The following RBMS3 variants were observed in gnomAD, a reference collection of about 807,000 sequenced individuals.
RBMS3 encodes RNA binding motif single stranded interacting protein 3.
A neutral mutation model predicts 66.8 loss-of-function variants in RBMS3; 27 were observed. The observed-to-expected ratio is 0.40, with a 90% confidence interval of 0.30 to 0.56. The LOEUF is 0.56. RBMS3 is among the 20% of genes least tolerant of loss of function. The pLI is 0.40. For synonymous variants in RBMS3, 188 were observed against 183.0 expected, an observed-to-expected ratio of 1.03 and a Z score of -0.22; for missense variants, 513 against 549.5, an observed-to-expected ratio of 0.93 and a Z score of 0.66.
chr3:29,595,598 A>C (rs2047918873), intron 4 of RBMS3, among the ~76,000 whole-genome samples: 1 of 152,134 alleles, frequency 6.6e-6, no homozygotes, highest in South Asian at 2.1e-4. Context: ...TGAAAGGAAA[A>C]GGTATTTTCT....
rs149022808 is a variant in RBMS3, at chr3:29,535,710, C to CTTTTTTTTTTTTTTTTTTTTTTTTT, written c.307+47218_307+47242dup. Among the ~76,000 whole-genome samples the CTTTTTTTTTTTTTTTTTTTTTTTTT allele has an allele frequency of 1.8e-4, 7 of 39,744 alleles. 2 individuals are homozygous for CTTTTTTTTTTTTTTTTTTTTTTTTT. The highest frequency in any genetic ancestry group is 7.1e-4 in the African/African-American group (7 of 9,860). The allele number at this position is 39,744 out of a possible 152,430, so 26.1% of individuals were successfully genotyped here. On this transcript the variant is annotated intron_variant, in intron 3 of 14. Coordinates refer to ENST00000383767, the MANE Select transcript of RBMS3 (RefSeq NM_001003793.3). ...GAGTTCAATGATTGAGATCATTGCT[C>CTTTTTTTTTTTTTTTTTTTTTTTTT]TTTTTTTTTTTTTTTTTTTTTTTTT...
At chr3:29,498,954 G>A (rs1317639432) in intron 3 of RBMS3, among the ~76,000 whole-genome samples, 1 of 152,150 alleles carries the variant, frequency 6.6e-6, no homozygotes, top group Non-Finnish European at 1.5e-5. Context: ...TTAAAGGTAT[G>A]AAAGATACCT....
intron 8 of RBMS3, among the ~76,000 whole-genome samples, chr3:29,890,230 A>T (rs1236317058): frequency 6.6e-6 from 1 of 151,650 alleles, no homozygotes; most frequent in African/African-American, 2.4e-5. Flanking sequence ...TGCATGTGAG[A>T]TGTCACACAA....
intron 3 of RBMS3, among the ~76,000 whole-genome samples, chr3:29,559,024 A>T (rs1287976107): frequency 6.6e-6 from 1 of 152,214 alleles, no homozygotes; most frequent in African/African-American, 2.4e-5. Context: ...TGCATAGATA[A>T]GTCAGTGTGT....
chr3:29,315,428 A>G (rs2034615081), intron 1 of RBMS3, among the ~76,000 whole-genome samples: 2 of 151,872 alleles, frequency 1.3e-5, no homozygotes, highest in Admixed American at 6.6e-5. Context: ...ATACACACAT[A>G]CATACATGCA....
chr3:29,658,527 T>C (rs2050405186), intron 4 of RBMS3, among the ~76,000 whole-genome samples: 1 of 152,246 alleles, frequency 6.6e-6, no homozygotes, highest in African/African-American at 2.4e-5. Flanking sequence ...TCTTTAGCTA[T>C]GAATGTAATC....
chr3:29,322,229 A>G (rs1300879959), intron 1 of RBMS3, among the ~76,000 whole-genome samples: 1 of 151,938 alleles, frequency 6.6e-6, no homozygotes, highest in African/African-American at 2.4e-5. Flanking sequence ...CTGTATCCCC[A>G]TGAAAAGCCA....
At chr3:29,724,304 T>C (rs2053765761) in intron 4 of RBMS3, among the ~76,000 whole-genome samples, 1 of 152,212 alleles carries the variant, frequency 6.6e-6, no homozygotes, top group South Asian at 2.1e-4. Flanking sequence ...TTAGTAGCTG[T>C]CCTCTTAAAG....
chr3:29,465,831 G>A (rs2042525415), intron 2 of RBMS3, among the ~76,000 whole-genome samples: 1 of 152,094 alleles, frequency 6.6e-6, no homozygotes, highest in African/African-American at 2.4e-5. Context: ...GGATCTTACA[G>A]ATGTGCTTTG....
chr3:29,593,545 A>T (rs895976160), intron 4 of RBMS3, among the ~76,000 whole-genome samples: 10 of 152,180 alleles, frequency 6.6e-5, no homozygotes, highest in African/African-American at 2.4e-4. Flanking sequence ...TTATATAGTG[A>T]TGGACAAGGG....
rs762338406 is a variant in RBMS3 at position 29,281,590 on chromosome 3, C to A, written c.-92C>A. 3.1e-6 allele frequency: 3 copies of A among 970,886 alleles called. No individual in the cohort carries two copies. Among genetic ancestry groups the A allele is most frequent in the Non-Finnish European group, 4.9e-6 (3 of 606,928 alleles). 60.1% of individuals were successfully genotyped at this position (970,886 alleles called of 1,614,324 possible). A position where few individuals can be genotyped will look rare whatever the true frequency, so the allele number is the denominator to read the frequency against. On this transcript the variant is annotated 5_prime_UTR_variant, in exon 1 of 15. It adds an upstream start codon to the 5' untranslated region. Coordinates refer to ENST00000383767, the MANE Select transcript of RBMS3 (RefSeq NM_001003793.3). ...TCTGAAGCCTCATCAGTCACCGGGA[C>A]TGTCAGGAATAGTGGTTTAAGAGGA...
intron 3 of RBMS3, among the ~76,000 whole-genome samples, chr3:29,584,189 G>T (rs1342125144): frequency 6.6e-6 from 1 of 152,078 alleles, no homozygotes; most frequent in East Asian, 1.9e-4. Context: ...CAAACTCTCA[G>T]TAGCATTTCA....
At chr3:29,655,131 G>A (rs996559279) in intron 4 of RBMS3, among the ~76,000 whole-genome samples, 3 of 152,068 alleles carry the variant, frequency 2.0e-5, no homozygotes, top group Non-Finnish European at 4.4e-5. Context: ...GCCTTCAAAC[G>A]ACCAAGGATT....
At chr3:29,885,866 C>A (rs940692638) in intron 8 of RBMS3, among the ~76,000 whole-genome samples, 4 of 151,636 alleles carry the variant, frequency 2.6e-5, no homozygotes, top group African/African-American at 9.7e-5. Flanking sequence ...CCTTGTTGCC[C>A]AAGGCTCTAT....
At chr3:29,825,800 C>A (rs1423402733) in intron 6 of RBMS3, among the ~76,000 whole-genome samples, 3 of 152,272 alleles carry the variant, frequency 2.0e-5, no homozygotes, top group South Asian at 4.2e-4. Context: ...CACTCATTTG[C>A]AAGACCTAGG....
At chr3:29,984,704 A>T (rs1452923257) in intron 12 of RBMS3, among the ~76,000 whole-genome samples, 1 of 151,988 alleles carries the variant, frequency 6.6e-6, no homozygotes, top group Non-Finnish European at 1.5e-5. Flanking sequence ...CTGGAGGTCC[A>T]CTCCAGACCC....
At chr3:29,398,975 CT>C (rs367965096) in intron 1 of RBMS3, among the ~76,000 whole-genome samples, 5 of 152,260 alleles carry the variant, frequency 3.3e-5, no homozygotes, top group African/African-American at 1.2e-4. Flanking sequence ...GTGTGAATCA[CT>C]TAGTAGCTCT....
intron 4 of RBMS3, among the ~76,000 whole-genome samples, chr3:29,643,397 G>A (rs2049799162): frequency 6.6e-6 from 1 of 152,050 alleles, no homozygotes; most frequent in Admixed American, 6.6e-5. Context: ...TTTCTTTGTT[G>A]ACTTCTTCCC....
intron 4 of RBMS3, among the ~76,000 whole-genome samples, chr3:29,590,348 A>G (rs1018308084): frequency 6.6e-6 from 1 of 152,134 alleles, no homozygotes; most frequent in Non-Finnish European, 1.5e-5. Context: ...AGCCTAGATC[A>G]TAGTAAGAAT....
Sources: allele counts gnomAD v4.1 joint callset (sites outside exome capture counted in the v4.1 genomes callset), GRCh38; gene constraint gnomAD v4.1.1; transcripts MANE v1.5; gene names NCBI Gene and HGNC (gene_info 2026-07-23, HGNC 2026-07-21).